The following PPP2R2C variants were observed in gnomAD, a reference collection of about 807,000 sequenced individuals.
The protein encoded by PPP2R2C is protein phosphatase 2, regulatory subunit B, gamma.
PPP2R2C carries 10 observed loss-of-function variants against 45.3 expected under a neutral mutation model. The ratio of observed to expected loss-of-function variants is 0.22; its 90% CI spans 0.14 to 0.37. The LOEUF is 0.37. PPP2R2C is among the 10% of genes least tolerant of loss of function. PPP2R2C has a pLI of 1.00. For missense variants in PPP2R2C, 308 were observed against 619.7 expected (o/e 0.50, Z 5.34); for synonymous variants, 257 against 245.4 (o/e 1.05, Z -0.44).
chr4:6,382,054 T>G (rs1715837711), intron 1 of PPP2R2C: 2 of 1,404,072 alleles, frequency 1.4e-6, no homozygotes, highest in African/African-American at 2.9e-5. Flanking sequence ...GCCTGAGGCC[T>G]GCTCCACCAA....
intron 1 of PPP2R2C, among the ~76,000 whole-genome samples, chr4:6,391,800 T>C (rs549794802): frequency 4.6e-5 from 7 of 152,308 alleles, no homozygotes; most frequent in African/African-American, 1.7e-4. Context: ...CTATGCCCTT[T>C]GCATGCAGTG....
At chr4:6,422,328 A>G (rs1719029515) in intron 1 of PPP2R2C, among the ~76,000 whole-genome samples, 1 of 152,254 alleles carries the variant, frequency 6.6e-6, no homozygotes, top group Admixed American at 6.5e-5. Flanking sequence ...CCAGGGTTCA[A>G]CTATCAGTGC....
At chr4:6,394,948 C>T (rs1363711803) in intron 1 of PPP2R2C, among the ~76,000 whole-genome samples, 3 of 152,198 alleles carry the variant, frequency 2.0e-5, no homozygotes, top group South Asian at 2.1e-4. Flanking sequence ...CCATAATTCC[C>T]TGAGCTGGGT....
intron 1 of PPP2R2C, among the ~76,000 whole-genome samples, chr4:6,548,917 G>A (rs1405223362): frequency 6.6e-6 from 1 of 152,160 alleles, no homozygotes; most frequent in Non-Finnish European, 1.5e-5. Flanking sequence ...AATGAACAGT[G>A]CCCGTCCCTT....
chr4:6,531,875 G>A (rs766052909), intron 2 of PPP2R2C, among the ~76,000 whole-genome samples: 8 of 152,172 alleles, frequency 5.3e-5, no homozygotes, highest in African/African-American at 1.2e-4. Flanking sequence ...GCCCAGGTCC[G>A]GAGCAGGTGG....
At chr4:6,477,424 G>T (rs1180069981), upstream of PPP2R2C, among the ~76,000 whole-genome samples, 1 of 152,118 alleles carries the variant, frequency 6.6e-6, no homozygotes, top group Admixed American at 6.5e-5. Flanking sequence ...GCCAAACCCA[G>T]CATCCTCTCT....
At chr4:6,377,616 G>A (rs535700929) in intron 3 of PPP2R2C, among the ~76,000 whole-genome samples, 110 of 152,176 alleles carry the variant, frequency 7.2e-4, no homozygotes, top group Admixed American at 1.2e-3. Context: ...CAGAGATCGC[G>A]CCACTCTACC....
chr4:6,443,558 C>T (rs1720265981), intron 1 of PPP2R2C, among the ~76,000 whole-genome samples: 1 of 152,172 alleles, frequency 6.6e-6, no homozygotes, highest in South Asian at 2.1e-4. Flanking sequence ...ACCTCAGCAG[C>T]CTGAGGCAAA....
intron 1 of PPP2R2C, chr4:6,421,147 C>T: frequency 3.0e-6 from 3 of 984,618 alleles, no homozygotes; most frequent in Non-Finnish European, 3.6e-6. Flanking sequence ...CTCAGCCCAT[C>T]ACACACCACT....
chr4:6,414,393 A>G (rs1360837806), intron 1 of PPP2R2C, among the ~76,000 whole-genome samples: 1 of 152,094 alleles, frequency 6.6e-6, no homozygotes, highest in African/African-American at 2.4e-5. Flanking sequence ...GAGCTTTCCC[A>G]TTTGCAGGTG....
At chr4:6,498,445 C>G (rs763818148) in intron 2 of PPP2R2C, among the ~76,000 whole-genome samples, 8 of 152,188 alleles carry the variant, frequency 5.3e-5, no homozygotes, top group Non-Finnish European at 1.0e-4. Flanking sequence ...CCACAACCTA[C>G]ACAAATGATG....
chr4:6,454,455 G>A (rs1436084459), intron 1 of PPP2R2C, among the ~76,000 whole-genome samples: 1 of 152,146 alleles, frequency 6.6e-6, no homozygotes, highest in Non-Finnish European at 1.5e-5. Flanking sequence ...GCCATCGAAG[G>A]AGTCCAACTG....
chr4:6,503,486 C>T (rs1723124642), intron 2 of PPP2R2C, among the ~76,000 whole-genome samples: 1 of 152,170 alleles, frequency 6.6e-6, no homozygotes, highest in Non-Finnish European at 1.5e-5. Flanking sequence ...ATAGGTGACA[C>T]CAATGGGACC....
At chr4:6,441,506 C>T (rs770846633) in intron 1 of PPP2R2C, among the ~76,000 whole-genome samples, 5 of 152,290 alleles carry the variant, frequency 3.3e-5, no homozygotes, top group East Asian at 3.9e-4. Flanking sequence ...TCCCCACACA[C>T]GAGCACTCTC....
Position 6,331,654 on chromosome 4 carries a change from T to C in PPP2R2C, c.960+1908A>G, listed in dbSNP as rs1732420388. Among the ~76,000 whole-genome samples the C allele has an allele frequency of 6.6e-6, 1 of 152,166 alleles. No individual in the cohort carries two copies. Among genetic ancestry groups the C allele is most frequent in the Admixed American group, 6.5e-5 (1 of 15,286 alleles). On this transcript the variant is annotated intron_variant, in intron 7 of 8. Coordinates refer to ENST00000382599, the MANE Select transcript of PPP2R2C (RefSeq NM_020416.4). This position sits in a 1 kb window ranked among gnomAD's most constrained non-coding sequence, Gnocchi z 5.9. ...TGCATTTCCTATTTCCTGCCTGGAA[T>C]GTAGGCAAAGTGCTTGGAGGTGTGG...
chr4:6,450,184 C>T (rs1182798131), intron 1 of PPP2R2C, among the ~76,000 whole-genome samples: 1 of 151,252 alleles, frequency 6.6e-6, no homozygotes, highest in East Asian at 2.0e-4. Flanking sequence ...CGGCAAGAAG[C>T]CTGGCCTCTC....
chr4:6,339,641 C>T (rs1733290088), intron 6 of PPP2R2C, among the ~76,000 whole-genome samples: 1 of 152,178 alleles, frequency 6.6e-6, no homozygotes, highest in African/African-American at 2.4e-5. Context: ...GCCATGCATT[C>T]AGGGACAAGT....
rs1712151557 is a variant in PPP2R2C, at chr4:6,347,883, G to A, written c.753C>T (p.Asp251=). ...TGTCACACAGGGCAGCTGCCCGCAT[G>A]TCGCAGAGCCGCAGGGAGCCCTTGC... ...SSSKGSLRLC[D]MRAAALCDKH... is the part of the protein sequence containing the mutation. The change falls in exon 6 of 9, where the codon GAC becomes GAT. Residue 251 remains aspartate (D), a synonymous_variant. Transcript: ENST00000382599. The A allele has an allele frequency of 6.2e-7, 1 of 1,613,268 alleles. No individual in the cohort carries two copies. The highest frequency in any genetic ancestry group is 8.5e-7 in the Non-Finnish European group (1 of 1,179,852).
intron 6 of PPP2R2C, among the ~76,000 whole-genome samples, chr4:6,344,254 C>T (rs1264819728): frequency 6.6e-6 from 1 of 152,262 alleles, no homozygotes; most frequent in Non-Finnish European, 1.5e-5. Flanking sequence ...ACGTTCACTG[C>T]AGCCCTGGGA....
Sources: allele counts gnomAD v4.1 joint callset (sites outside exome capture counted in the v4.1 genomes callset), GRCh38; gene constraint gnomAD v4.1.1; non-coding constraint Gnocchi (gnomAD v3.1); transcripts MANE v1.5; gene names NCBI Gene and HGNC (gene_info 2026-07-23, HGNC 2026-07-21).